The following KLHL29 variants were observed in gnomAD, a reference collection of about 807,000 sequenced individuals.
The protein encoded by KLHL29 is kelch-like protein 29.
A neutral mutation model predicts 80.4 loss-of-function variants in KLHL29; 21 were observed. The observed-to-expected ratio is 0.26, with a 90% CI of 0.19 to 0.38. The LOEUF is 0.38. Among genes scored for constraint, KLHL29 ranks in the 10% least tolerant of loss-of-function variants. The pLI is 1.00. For missense variants in KLHL29, 867 were observed against 1,223.9 expected (o/e 0.71, Z 4.35); for synonymous variants, 511 against 526.8 (o/e 0.97, Z 0.41).
chr2:23,537,136 G>A (rs907510107), intron 2 of KLHL29, among the ~76,000 whole-genome samples: 1 of 152,180 alleles, frequency 6.6e-6, no homozygotes, highest in East Asian at 1.9e-4. Context: ...CTCTGAATTT[G>A]CATTTGTCCT....
chr2:23,468,396 A>G (rs1048628599), intron 1 of KLHL29, among the ~76,000 whole-genome samples: 5 of 152,110 alleles, frequency 3.3e-5, no homozygotes, highest in African/African-American at 1.2e-4. Flanking sequence ...TTGGGAGAAG[A>G]TCTCTGCATC....
intron 3 of KLHL29, among the ~76,000 whole-genome samples, chr2:23,577,770 A>G (rs1667880904): frequency 6.6e-6 from 1 of 151,866 alleles, no homozygotes; most frequent in Non-Finnish European, 1.5e-5. Flanking sequence ...AAAGAAAAGA[A>G]AGATCAGTAG....
rs1454960849 is a variant in KLHL29 at position 23,597,307 on chromosome 2, A to ATGTGTGTGTGTGTGTGTGTG, written c.285+34827_285+34828insGTGTGTGTGTGTGTGTGTGT. On this transcript the variant is annotated intron_variant, in intron 3 of 13. Transcript: ENST00000486442. ...ATCTCTCTCTCTCTCATATATATAT[A>ATGTGTGTGTGTGTGTGTGTG]TATGTGTGTGTGTGTGTGTGTGTGT... 5.1e-4 allele frequency among the ~76,000 whole-genome samples: 54 copies of ATGTGTGTGTGTGTGTGTGTG among 106,604 alleles called. 1 individual carries two copies. Among genetic ancestry groups the ATGTGTGTGTGTGTGTGTGTG allele is most frequent in the East Asian group, 1.3e-3 (4 of 3,116 alleles). The allele number at this position is 106,604 out of a possible 152,430, so 69.9% of individuals were successfully genotyped here.
At chr2:23,505,787 G>T (rs1033163833) in intron 2 of KLHL29, among the ~76,000 whole-genome samples, 1 of 152,374 alleles carries the variant, frequency 6.6e-6, no homozygotes, top group East Asian at 1.9e-4. Flanking sequence ...AGAGGCCAGA[G>T]AATGGTGGGG....
Position 23,454,560 on chromosome 2 carries a change from G to T in KLHL29, c.-153-21000G>T, listed in dbSNP as rs79315462. 6.7e-3 allele frequency among the ~76,000 whole-genome samples: 1,021 copies of T among 152,188 alleles called. 8 individuals carry two copies. The highest frequency in any genetic ancestry group is 0.018 in the African/African-American group (768 of 41,528). On this transcript the variant is annotated intron_variant, in intron 1 of 13. Coordinates refer to ENST00000486442, the MANE Select transcript of KLHL29 (RefSeq NM_052920.2). ...GATATACATTCTTTACAAAATCCCGGTTTTATTTTTACAAGATGAAGATTA... is the reference window on the plus strand; with the variant it reads ...GATATACATTCTTTACAAAATCCCGTTTTTATTTTTACAAGATGAAGATTA...
At position 23,701,863 on chromosome 2, in the gene KLHL29, C is replaced by T. The variant is rs374125177; in HGVS notation, c.2106-1323C>T. ...TTGCCCAGGCTGGAGTGCAATGGCG[C>T]GATCTTGGCTCACCGCAGCCTCTGC... On this transcript the variant is annotated intron_variant, in intron 11 of 13. Transcript: ENST00000486442. 9.0e-5 allele frequency among the ~76,000 whole-genome samples: 12 copies of T among 133,076 alleles called. No homozygotes were observed. The East Asian group carries it at 2.2e-3, about 24-fold the overall frequency. The allele number at this position is 133,076 out of a possible 152,430, so 87.3% of individuals were successfully genotyped here.
chr2:23,466,700 A>G (rs912103284), intron 1 of KLHL29, among the ~76,000 whole-genome samples: 6 of 152,172 alleles, frequency 3.9e-5, no homozygotes, highest in African/African-American at 1.4e-4. Context: ...TATCTTTGTT[A>G]TGGTTTTTTT....
At chr2:23,615,980 C>T (rs192182237) in intron 3 of KLHL29, among the ~76,000 whole-genome samples, 58 of 152,320 alleles carry the variant, frequency 3.8e-4, no homozygotes, top group Admixed American at 1.2e-3. Flanking sequence ...CTCTGGGCTT[C>T]CAGTTCTGGT....
At chr2:23,529,070 G>A (rs1051211135) in intron 2 of KLHL29, among the ~76,000 whole-genome samples, 1 of 152,202 alleles carries the variant, frequency 6.6e-6, no homozygotes, top group African/African-American at 2.4e-5. Flanking sequence ...CTAACCATAC[G>A]TAGGGCCGAA....
At chr2:23,670,920 CT>C (rs1670708316) in intron 5 of KLHL29, among the ~76,000 whole-genome samples, 9 of 1,678 alleles carry the variant, frequency 5.4e-3, no homozygotes, top group South Asian at 0.019. Flanking sequence ...TGCACGCGCT[CT>C]CTCTCTCTCT....
At chr2:23,532,743 C>T in intron 2 of KLHL29, 1 of 436,616 alleles carries the variant, frequency 2.3e-6, no homozygotes, top group East Asian at 7.1e-5. Flanking sequence ...GCCTCACCCA[C>T]TACACCCTCT....
intron 3 of KLHL29, among the ~76,000 whole-genome samples, chr2:23,613,884 G>A (rs1299575572): frequency 1.3e-5 from 2 of 150,176 alleles, no homozygotes; most frequent in African/African-American, 4.9e-5. Context: ...AAATCACTAA[G>A]CTGAAGGGAA....
chr2:23,462,182 C>T (rs1229009209), intron 1 of KLHL29, among the ~76,000 whole-genome samples: 1 of 152,024 alleles, frequency 6.6e-6, no homozygotes, highest in African/African-American at 2.4e-5. Flanking sequence ...AAGAAGAGCC[C>T]AGACACATTT....
rs942323386 is a variant in KLHL29 at position 23,681,989 on chromosome 2, C to T, written c.941-2410C>T. ...GTCTCTAGCCCAGGCCTCTATCCAC[C>T]GCCTCCTACCCCATCCCCCAGGTGT... On this transcript the variant is annotated intron_variant, in intron 5 of 13. Transcript: ENST00000486442. The surrounding 1 kb of genome is among the most constrained non-coding windows in gnomAD (Gnocchi z 4.2). 2.6e-5 allele frequency among the ~76,000 whole-genome samples: 4 copies of T among 152,128 alleles called. No homozygotes were observed. The highest frequency in any genetic ancestry group is 9.7e-5 in the African/African-American group (4 of 41,432).
intron 2 of KLHL29, among the ~76,000 whole-genome samples, chr2:23,532,311 A>T (rs890202951): frequency 1.3e-5 from 2 of 152,236 alleles, no homozygotes; most frequent in Admixed American, 1.3e-4. Context: ...ACTCCCTGTA[A>T]TGGCCTCCTC....
At chr2:23,429,879 C>T (rs1381512377) in intron 1 of KLHL29, among the ~76,000 whole-genome samples, 3 of 151,820 alleles carry the variant, frequency 2.0e-5, no homozygotes, top group African/African-American at 7.3e-5. Flanking sequence ...CTTCTAGTGA[C>T]TTTAAATTTA....
At position 23,573,330 on chromosome 2, in the gene KLHL29, C is replaced by G. The variant is rs564120634; in HGVS notation, c.285+10849C>G. Among the ~76,000 whole-genome samples, 6 of 152,290 alleles carry G rather than the reference C, an allele frequency of 3.9e-5. No individual in the cohort carries two copies. The East Asian group carries it at 7.7e-4, about 20-fold the overall frequency. ...TAATTACTTTGTTGCAGGCACTGTT[C>G]TAAGTACTTTACCAATGTGAACTTT... On this transcript the variant is annotated intron_variant, in intron 3 of 13. Transcript: ENST00000486442.
chr2:23,422,189 T>C (rs1320600209), intron 1 of KLHL29, among the ~76,000 whole-genome samples: 3 of 151,692 alleles, frequency 2.0e-5, no homozygotes, highest in Admixed American at 6.6e-5. Flanking sequence ...TCTATGTGTC[T>C]CTGTGTCTGT....
intron 1 of KLHL29, among the ~76,000 whole-genome samples, chr2:23,403,184 A>G (rs1362709361): frequency 6.6e-6 from 1 of 152,208 alleles, no homozygotes; most frequent in Non-Finnish European, 1.5e-5. Context: ...TTACCTAACA[A>G]GGCAAAAGAA....
Sources: gnomAD v4.1 joint callset for allele counts (sites outside exome capture counted in the v4.1 genomes callset) on GRCh38, gnomAD v4.1.1 for gene constraint, Gnocchi (gnomAD v3.1) non-coding constraint, MANE v1.5 for transcripts, NCBI Gene and HGNC (gene_info 2026-07-23, HGNC 2026-07-21) for gene names.